The following MGAM variants were observed in gnomAD, a reference collection of about 807,000 sequenced individuals.
MGAM encodes the protein maltase-glucoamylase, also known as alpha-1,4-glucosidase.
MGAM carries 253 observed loss-of-function variants against 358.8 expected under a neutral mutation model. That is an observed-to-expected ratio of 0.71 (90% CI 0.64 to 0.78). MGAM has a LOEUF of 0.78. Ranked by LOEUF, MGAM falls within the 30% of genes least tolerant of loss-of-function variation. The pLI, the probability that MGAM is intolerant of heterozygous loss-of-function variation, is 0.00. For missense variants in MGAM, 3,080 were observed against 3,432.6 expected (o/e 0.90, Z 2.57); for synonymous variants, 1,105 against 1,227.1 (o/e 0.90, Z 2.08).
At chr7:142,044,278 CACATACGACATATAATATATACTAT>C (rs1290401152) in intron 21 of MGAM, among the ~76,000 whole-genome samples, 1 of 73,228 alleles carries the variant, frequency 1.4e-5, no homozygotes, top group South Asian at 4.5e-4. Flanking sequence ...ACATTATATA[CACATACGACATATAATATATACTAT>C]ATATAATATA....
At chr7:142,088,650 C>T (rs1410464646) in intron 57 of MGAM, among the ~76,000 whole-genome samples, 2 of 119,298 alleles carry the variant, frequency 1.7e-5, no homozygotes, top group African/African-American at 2.9e-5. Flanking sequence ...ATCTTTCTAT[C>T]TGTCTGTCTA....
intron 40 of MGAM, 120 bp downstream of exon 40, chr7:142,065,951 T>G (rs1812703563): frequency 1.3e-6 from 1 of 744,456 alleles, no homozygotes; most frequent in African/African-American, 2.2e-5. Context: ...GTGTTTTTTT[T>G]TGTTTTGTTT....
chr7:142,000,258 T>C (rs1427172219), intron 1 of MGAM, among the ~76,000 whole-genome samples: 2 of 152,194 alleles, frequency 1.3e-5, no homozygotes, highest in African/African-American at 4.8e-5. Flanking sequence ...ACTGTAGTCA[T>C]GTGAAGGCTT....
At chr7:142,101,908 C>CAA (rs11452654) in intron 68 of MGAM, among the ~76,000 whole-genome samples, 2,541 of 130,000 alleles carry the variant, frequency 0.02, 87 homozygotes, top group African/African-American at 0.067. Context: ...AACTCTGTCT[C>CAA]AAAAAAAAAA....
rs188242241 is a variant in MGAM, at chr7:142,056,438, G to A, written c.3580+342G>A. 5.3e-3 allele frequency among the ~76,000 whole-genome samples: 813 copies of A among 152,244 alleles called. 11 individuals are homozygous for A. Among genetic ancestry groups the A allele is most frequent in the African/African-American group, 0.015 (640 of 41,532 alleles). ...AAGTTAGTCTGGGGGTATTGAGGGT[G>A]TATGGTATGTTGGAAAATTACCTAT... On this transcript the variant is annotated intron_variant, in intron 29 of 70. Transcript: ENST00000475668.
At position 142,092,206 on chromosome 7, in the gene MGAM, T is replaced by G. The variant is rs1264198966; in HGVS notation, c.6945+159T>G. ...CCTCTCAGGAGAGGAACAGCCCTGA[T>G]AGCCCTCACACCTTCTACCAGACCT... On this transcript the variant is annotated intron_variant, in intron 58 of 70. Coordinates refer to ENST00000475668, the MANE Select transcript of MGAM (RefSeq NM_001365693.1). 1.4e-5 allele frequency among the ~76,000 whole-genome samples: 2 copies of G among 145,920 alleles called. 1 individual carries two copies. Among genetic ancestry groups the G allele is most frequent in the Non-Finnish European group, 3.1e-5 (2 of 64,588 alleles).
rs1322194669 is a variant in MGAM at position 142,050,232 on chromosome 7, C to T, written c.2588-3C>T. The T allele has an allele frequency of 6.2e-7, 1 of 1,613,764 alleles. No homozygotes were observed. Among genetic ancestry groups the T allele is most frequent in the African/African-American group, 1.3e-5 (1 of 75,020 alleles). ...ATCTGACTTGTCTTTCTCTCACTTT[C>T]AGATACTGTGGCCAATAAAGTGTAT... On this transcript the variant is annotated splice_region_variant and splice_polypyrimidine_tract_variant and intron_variant, in intron 22 of 70. Transcript: ENST00000475668.
At chr7:141,999,288 G>A (rs1563098317) in intron 1 of MGAM, among the ~76,000 whole-genome samples, 1 of 152,192 alleles carries the variant, frequency 6.6e-6, no homozygotes, top group Non-Finnish European at 1.5e-5. Flanking sequence ...AGGTCTCCCA[G>A]ATAATTTAAA....
In MGAM at chr7:142,054,923, G is replaced by A. The variant is rs1479016647; in HGVS notation, c.3314+15G>A. 6.2e-7 allele frequency: 1 copy of A among 1,612,804 alleles called. No homozygotes were observed. ...GGCACTATAATGTGAGTGGCTTCTAGTGTGACTCAGAGTTGATGGCTACCT... is the reference window on the plus strand; with the variant it reads ...GGCACTATAATGTGAGTGGCTTCTAATGTGACTCAGAGTTGATGGCTACCT... On this transcript the variant is annotated intron_variant, in intron 27 of 70. Transcript: ENST00000475668.
At position 142,082,222 on chromosome 7, in the gene MGAM, G is replaced by A; in HGVS notation, c.6171+12G>A. 1.9e-6 allele frequency: 3 copies of A among 1,550,190 alleles called. No individual in the cohort carries two copies. Among genetic ancestry groups the A allele is most frequent in the Non-Finnish European group, 2.7e-6 (3 of 1,129,852 alleles). ...ACCAGCCCCCAGGGGTAAGGACAGA[G>A]CATTTGAGATCTGTGTCTCTGCTTC... On this transcript the variant is annotated intron_variant, in intron 51 of 70. Coordinates refer to ENST00000475668, the MANE Select transcript of MGAM (RefSeq NM_001365693.1).
upstream of MGAM, among the ~76,000 whole-genome samples, chr7:141,992,969 C>G (rs1378347948): frequency 1.3e-5 from 2 of 152,112 alleles, no homozygotes; most frequent in Non-Finnish European, 2.9e-5. Context: ...TTCTATGATG[C>G]CAAAGAAACA....
chr7:142,084,829 G>A (rs1431738753), intron 54 of MGAM, among the ~76,000 whole-genome samples, 185 bp downstream of exon 54: 1 of 146,540 alleles, frequency 6.8e-6, no homozygotes, highest in Non-Finnish European at 1.5e-5. Context: ...TTCTAGAGAT[G>A]ATAGCTCAAG....
intron 9 of MGAM, 107 bp from the exon 10 acceptor site, chr7:142,027,503 A>T: frequency 8.3e-7 from 1 of 1,204,128 alleles, no homozygotes; most frequent in Non-Finnish European, 1.2e-6. Context: ...TTAATGAATC[A>T]GTGCATTGGG....
intron 11 of MGAM, 48 bp from the exon 12 acceptor site, chr7:142,030,593 G>A (rs200501411): frequency 1.2e-6 from 2 of 1,602,462 alleles, no homozygotes. Context: ...TCCTTTCAGT[G>A]CCTCCGGTTT....
At chr7:142,064,170 C>T (rs1424884486) in intron 36 of MGAM, among the ~76,000 whole-genome samples, 1 of 152,214 alleles carries the variant, frequency 6.6e-6, no homozygotes, top group Non-Finnish European at 1.5e-5. Flanking sequence ...CTTCCTGACA[C>T]CTCTGCTTCC....
chr7:141,987,323 T>C (rs1351515351), intron 2 of MGAM, among the ~76,000 whole-genome samples: 4 of 152,248 alleles, frequency 2.6e-5, no homozygotes, highest in Non-Finnish European at 4.4e-5. Flanking sequence ...ACTCTCTACA[T>C]GTGTATCCCA....
intron 2 of MGAM, among the ~76,000 whole-genome samples, chr7:142,007,651 A>G (rs574669595): frequency 6.6e-6 from 1 of 152,330 alleles, no homozygotes; most frequent in African/African-American, 2.4e-5. Flanking sequence ...TACCTTCAAG[A>G]AAGCTCACCT....
intron 64 of MGAM, 158 bp downstream of exon 64, chr7:142,095,871 C>A: frequency 1.8e-6 from 2 of 1,132,012 alleles, no homozygotes; most frequent in Non-Finnish European, 2.5e-6. Flanking sequence ...CAGTGCTATA[C>A]ATGCCTTAGG....
Position 142,021,022 on chromosome 7 carries a change from G to A in MGAM, c.497G>A (p.Ser166Asn). 6.2e-7 allele frequency: 1 copy of A among 1,613,616 alleles called. No individual in the cohort carries two copies. Among genetic ancestry groups the A allele is most frequent in the Non-Finnish European group, 8.5e-7 (1 of 1,179,698 alleles). ...KNLPSSPVFGSNVDNVLLTAE... is the reference protein window; with the variant it reads ...KNLPSSPVFGNNVDNVLLTAE... ...CTGCCTTCTTCACCAGTGTTTGGAAGCAATGTTGACAATGTTCTTCTCACA... is the reference window on the plus strand; with the variant it reads ...CTGCCTTCTTCACCAGTGTTTGGAAACAATGTTGACAATGTTCTTCTCACA... Residue 166 changes from serine to asparagine, a missense_variant, in exon 5 of 71, where the codon AGC becomes AAC. Around this residue, in one of 5 missense-constraint regions of MGAM, gnomAD observed 1,816 missense variants for 1,840.5 expected, o/e 0.99. Transcript: ENST00000475668.
Sources: gnomAD v4.1 joint callset for allele counts (sites outside exome capture counted in the v4.1 genomes callset) on GRCh38, gnomAD v4.1.1 for gene constraint, gnomAD v4.1.1 regional missense constraint, MANE v1.5 for transcripts, NCBI Gene and HGNC (gene_info 2026-07-23, HGNC 2026-07-21) for gene names.